Variants in HIVEP3 observed in about 807,000 individuals in gnomAD.
HIVEP3 encodes HIVEP zinc finger 3, also known as transcription factor HIVEP3.
In HIVEP3, 49 loss-of-function variants were observed where a neutral mutation model predicts 152.8. The observed-to-expected ratio is 0.32, with a 90% CI of 0.26 to 0.41. HIVEP3 has a LOEUF of 0.41. HIVEP3 is among the 10% of genes least tolerant of loss of function. HIVEP3 has a pLI of 1.00. For missense variants in HIVEP3, 2,790 were observed against 3,103.3 expected (o/e 0.90, Z 2.40); for synonymous variants, 1,269 against 1,289.0 (o/e 0.98, Z 0.33).
intron 5 of HIVEP3, among the ~76,000 whole-genome samples, chr1:41,538,976 C>T (rs1643465809): frequency 1.3e-5 from 2 of 152,116 alleles, no homozygotes; most frequent in Non-Finnish European, 2.9e-5. Context: ...GGGTCCTCCT[C>T]CCCCACCCAC....
At chr1:41,535,593 G>T (rs1490797869) in intron 5 of HIVEP3, 2 of 152,264 alleles carry the variant, frequency 1.3e-5, no homozygotes, top group African/African-American at 2.4e-5. Flanking sequence ...GCCCATGCCT[G>T]GGGTCAGGGC....
chr1:41,660,367 A>T (rs1645694693), intron 2 of HIVEP3, among the ~76,000 whole-genome samples: 1 of 152,250 alleles, frequency 6.6e-6, no homozygotes, highest in African/African-American at 2.4e-5. Context: ...TTTTTTAAAC[A>T]CATTCTGCAA....
At chr1:41,903,300 G>A (rs1051653549) in intron 1 of HIVEP3, among the ~76,000 whole-genome samples, 5 of 152,154 alleles carry the variant, frequency 3.3e-5, no homozygotes, top group Non-Finnish European at 7.3e-5. Context: ...GTTGAGCCAG[G>A]CTCAGCAACT....
chr1:41,631,455 G>A (rs1453936945), intron 2 of HIVEP3, among the ~76,000 whole-genome samples: 1 of 152,162 alleles, frequency 6.6e-6, no homozygotes, highest in Non-Finnish European at 1.5e-5. Context: ...TCTGGGTCTG[G>A]AGTAACCCGC....
intron 3 of HIVEP3, among the ~76,000 whole-genome samples, chr1:41,617,432 T>G (rs1467594128): frequency 6.6e-6 from 1 of 152,216 alleles, no homozygotes; most frequent in Admixed American, 6.5e-5. Context: ...ACCCTTTTTC[T>G]CCAGACAACC....
At chr1:41,549,385 A>T (rs900546780) in intron 5 of HIVEP3, among the ~76,000 whole-genome samples, 1 of 152,216 alleles carries the variant, frequency 6.6e-6, no homozygotes, top group Non-Finnish European at 1.5e-5. Context: ...TTGGGTATAT[A>T]CCCAGTAATG....
At chr1:41,843,316 T>C (rs1231278049) in intron 1 of HIVEP3, among the ~76,000 whole-genome samples, 3 of 152,198 alleles carry the variant, frequency 2.0e-5, no homozygotes, top group Non-Finnish European at 2.9e-5. Context: ...TCACACGAAA[T>C]GTAAGAAGTA....
intron 1 of HIVEP3, among the ~76,000 whole-genome samples, chr1:41,760,050 G>A (rs1647565618): frequency 6.6e-6 from 1 of 152,190 alleles, no homozygotes; most frequent in Non-Finnish European, 1.5e-5. Flanking sequence ...GTGCAAGCCT[G>A]TGGTTCTAGC....
chr1:41,636,558 C>T (rs1645276562), intron 2 of HIVEP3, among the ~76,000 whole-genome samples: 1 of 152,014 alleles, frequency 6.6e-6, no homozygotes, highest in Non-Finnish European at 1.5e-5. Context: ...ATATTTGCAA[C>T]ATATATGAAA....
intron 3 of HIVEP3, among the ~76,000 whole-genome samples, chr1:41,610,677 A>C (rs1644884314): frequency 6.6e-6 from 1 of 152,214 alleles, no homozygotes; most frequent in South Asian, 2.1e-4. Context: ...CCACCTGTCC[A>C]GCTTCTCCAG....
At chr1:41,683,887 C>G (rs556845779) in intron 2 of HIVEP3, among the ~76,000 whole-genome samples, 2 of 152,302 alleles carry the variant, frequency 1.3e-5, no homozygotes, top group African/African-American at 4.8e-5. Flanking sequence ...CCCTCCTGGT[C>G]CTATCACTGC....
chr1:42,029,789 T>C lies in HIVEP3; in HGVS notation n.119+6018A>G, dbSNP rs544217505. On this transcript the variant is annotated intron_variant and non_coding_transcript_variant, in intron 1 of 3. Transcript: ENST00000489103. Reference sequence around the variant, plus strand: ...ATTATTCAAGAACTCTCTCAACTCTTAAATCCATTTTTGTATGCATATTAC... The same window carrying C: ...ATTATTCAAGAACTCTCTCAACTCTCAAATCCATTTTTGTATGCATATTAC... Among the ~76,000 whole-genome samples the C allele has an allele frequency of 4.6e-5, 7 of 152,310 alleles. No homozygotes were observed. The East Asian group carries it at 1.3e-3, about 29-fold the overall frequency.
intron 1 of HIVEP3, among the ~76,000 whole-genome samples, chr1:41,792,188 G>C (rs1028677115): frequency 6.6e-6 from 1 of 152,202 alleles, no homozygotes; most frequent in Non-Finnish European, 1.5e-5. Flanking sequence ...ATGTAGCCCA[G>C]GACCTGGGAA....
intron 1 of HIVEP3, among the ~76,000 whole-genome samples, chr1:41,891,522 A>G (rs556041957): frequency 1.7e-4 from 26 of 152,150 alleles, no homozygotes; most frequent in Non-Finnish European, 3.2e-4. Context: ...CTGCTCTGGG[A>G]GTCAACGCTT....
At chr1:41,540,783 T>A (rs1643510905) in intron 5 of HIVEP3, among the ~76,000 whole-genome samples, 2 of 152,032 alleles carry the variant, frequency 1.3e-5, no homozygotes, top group South Asian at 4.2e-4. Flanking sequence ...GGCTACAAAC[T>A]TGGAAAAAAG....
At chr1:41,637,722 A>T (rs1422941793) in intron 2 of HIVEP3, among the ~76,000 whole-genome samples, 1 of 152,230 alleles carries the variant, frequency 6.6e-6, no homozygotes, top group African/African-American at 2.4e-5. Flanking sequence ...GGGGCTTGAA[A>T]CATGCGTTCT....
At chr1:41,578,448 C>A (rs867282650) in intron 4 of HIVEP3, among the ~76,000 whole-genome samples, 4 of 152,298 alleles carry the variant, frequency 2.6e-5, no homozygotes, top group Middle Eastern at 3.4e-3. Flanking sequence ...CTGTGAAGAA[C>A]ATCCAGTCAA....
intron 1 of HIVEP3, among the ~76,000 whole-genome samples, chr1:41,901,824 C>T (rs971048350): frequency 6.6e-6 from 1 of 152,188 alleles, no homozygotes; most frequent in Non-Finnish European, 1.5e-5. Flanking sequence ...TAGCCTATTT[C>T]CTTCACAGCC....
intron 1 of HIVEP3, among the ~76,000 whole-genome samples, chr1:41,893,018 G>A (rs1056736234): frequency 2.0e-5 from 3 of 151,662 alleles, no homozygotes; most frequent in African/African-American, 7.3e-5. Flanking sequence ...AGCTACTCGG[G>A]AGGCTGAGGC....
Sources: allele counts gnomAD v4.1 joint callset (sites outside exome capture counted in the v4.1 genomes callset), GRCh38; gene constraint gnomAD v4.1.1; transcripts MANE v1.5; gene names NCBI Gene and HGNC (gene_info 2026-07-23, HGNC 2026-07-21).